The following CYB5R4 variants were observed in gnomAD, a reference collection of about 807,000 sequenced individuals.
CYB5R4 encodes N-terminal cytochrome b5 and cytochrome b5 oxidoreductase domain-containing protein.
A neutral mutation model predicts 70.2 loss-of-function variants in CYB5R4; 55 were observed. The ratio of observed to expected loss-of-function variants is 0.78; its 90% CI spans 0.63 to 0.98. The LOEUF is 0.98. Among genes scored for constraint, CYB5R4 ranks in the 50% least tolerant of loss-of-function variants. The pLI, the probability that CYB5R4 is intolerant of heterozygous loss-of-function variation, is 0.00. For missense variants in CYB5R4, 562 were observed against 612.6 expected (o/e 0.92, Z 0.87); for synonymous variants, 197 against 199.5 (o/e 0.99, Z 0.11).
rs1262917784 is a variant in CYB5R4, at chr6:83,960,437, T to C, written c.*559T>C. 3 of 152,350 alleles carry C rather than the reference T, an allele frequency of 2.0e-5. No homozygotes were observed. Among genetic ancestry groups the C allele is most frequent in the Admixed American group, 6.6e-5 (1 of 15,266 alleles). The allele number at this position is 152,350 out of a possible 1,614,324, so 9.4% of individuals were successfully genotyped here. ...CTTAAGTTCTTTTTAATCCTTGTGG[T>C]AGAAATGTGGTTGAATGCAACAATA... is the stretch of plus-strand genomic sequence containing the variant. On this transcript the variant is annotated 3_prime_UTR_variant, in exon 16 of 16. Coordinates refer to ENST00000369681, the MANE Select transcript of CYB5R4 (RefSeq NM_016230.4).
chr6:83,878,839 A>G (rs1276790801), intron 2 of CYB5R4, among the ~76,000 whole-genome samples: 1 of 152,056 alleles, frequency 6.6e-6, no homozygotes, highest in Non-Finnish European at 1.5e-5. Flanking sequence ...ACAGACTTCA[A>G]ATTCCTCCAG....
intron 14 of CYB5R4, among the ~76,000 whole-genome samples, chr6:83,949,861 T>C (rs986425531): frequency 6.6e-6 from 1 of 152,212 alleles, no homozygotes; most frequent in Non-Finnish European, 1.5e-5. Flanking sequence ...CATTAATACC[T>C]ACACCACAGA....
chr6:83,948,845 A>G (rs1286513869), intron 14 of CYB5R4, among the ~76,000 whole-genome samples: 1 of 150,864 alleles, frequency 6.6e-6, no homozygotes, highest in East Asian at 1.9e-4. Context: ...TTTTTTTTTC[A>G]TGTCTGGATG....
chr6:83,927,496 T>G (rs2099467483), intron 10 of CYB5R4, among the ~76,000 whole-genome samples: 1 of 152,202 alleles, frequency 6.6e-6, no homozygotes, highest in African/African-American at 2.4e-5. Flanking sequence ...CACAGCCTCC[T>G]TCTTGGGTTC....
intron 2 of CYB5R4, among the ~76,000 whole-genome samples, chr6:83,867,975 A>G (rs2099456997): frequency 6.6e-6 from 1 of 152,184 alleles, no homozygotes; most frequent in Non-Finnish European, 1.5e-5. Flanking sequence ...CACTCCCCTC[A>G]GACCTCAGTT....
intron 14 of CYB5R4, among the ~76,000 whole-genome samples, chr6:83,948,989 T>A (rs957558552): frequency 2.0e-5 from 3 of 152,104 alleles, no homozygotes; most frequent in Non-Finnish European, 2.9e-5. Context: ...TCTCCCTTGC[T>A]GGCTTGGGTG....
intron 2 of CYB5R4, among the ~76,000 whole-genome samples, chr6:83,886,401 A>T (rs1403469924): frequency 2.0e-5 from 3 of 152,250 alleles, no homozygotes; most frequent in Admixed American, 6.5e-5. Flanking sequence ...TCATCCACTG[A>T]TAAATAAATA....
intron 2 of CYB5R4, among the ~76,000 whole-genome samples, chr6:83,876,927 A>G (rs2875351): frequency 0.29 from 43,345 of 151,784 alleles, 12,172 homozygotes; most frequent in African/African-American, 0.73. Flanking sequence ...TTCGCCTCCC[A>G]GGCTCAAGGG....
intron 2 of CYB5R4, among the ~76,000 whole-genome samples, chr6:83,873,828 G>A (rs2099458058): frequency 6.6e-6 from 1 of 152,154 alleles, no homozygotes; most frequent in African/African-American, 2.4e-5. Context: ...GAGGTGTGCT[G>A]TGCTGAGTGA....
At chr6:83,947,507 T>C (rs2099470805) in intron 14 of CYB5R4, among the ~76,000 whole-genome samples, 1 of 152,170 alleles carries the variant, frequency 6.6e-6, no homozygotes, top group African/African-American at 2.4e-5. Context: ...ACTTCATGAC[T>C]AAAACTCCAA....
intron 2 of CYB5R4, among the ~76,000 whole-genome samples, chr6:83,868,427 G>A (rs1322512091): frequency 2.0e-5 from 3 of 152,118 alleles, no homozygotes; most frequent in Admixed American, 2.0e-4. Flanking sequence ...TAAAATGATG[G>A]TATAAAAACA....
At chr6:83,943,823 C>A (rs2099470140) in intron 14 of CYB5R4, among the ~76,000 whole-genome samples, 1 of 151,676 alleles carries the variant, frequency 6.6e-6, no homozygotes, top group Non-Finnish European at 1.5e-5. Flanking sequence ...CACAAGTATC[C>A]ATAGCCAAAT....
In CYB5R4 at chr6:83,924,545, G is replaced by T; in HGVS notation, c.767G>T (p.Gly256Val). The T allele has an allele frequency of 6.2e-7, 1 of 1,613,520 alleles. No homozygotes were observed. The highest frequency in any genetic ancestry group is 8.5e-7 in the Non-Finnish European group (1 of 1,179,614). The stretch of plus-strand genomic sequence containing the variant: ...GAGAATACTTCTTGGGACTTTCTTG[G>T]CCATCCCCTGAAGAATCATAATTCA... ...KKENTSWDFL[G>V]HPLKNHNSLI... is the part of the protein sequence containing the mutation. The change falls in exon 10 of 16, where the codon GGC becomes GTC. Residue 256 changes from glycine (G) to valine (V), a missense_variant. Transcript: ENST00000369681.
intron 3 of CYB5R4, among the ~76,000 whole-genome samples, chr6:83,896,610 T>C (rs1358379210): frequency 6.6e-6 from 1 of 152,234 alleles, no homozygotes. Flanking sequence ...TTCTTTTTTA[T>C]GGCCAAATAG....
intron 14 of CYB5R4, among the ~76,000 whole-genome samples, chr6:83,950,498 C>T (rs555179970): frequency 1.1e-4 from 16 of 152,278 alleles, no homozygotes; most frequent in African/African-American, 3.6e-4. Flanking sequence ...TGTGATGTCT[C>T]TGCTTTTGTA....
At chr6:83,887,587 C>G (rs1250057057) in intron 2 of CYB5R4, among the ~76,000 whole-genome samples, 1 of 152,144 alleles carries the variant, frequency 6.6e-6, no homozygotes, top group African/African-American at 2.4e-5. Context: ...CAGTGTACCC[C>G]TAATATTGCT....
At chr6:83,919,782 G>C (rs1011299676) in intron 7 of CYB5R4, among the ~76,000 whole-genome samples, 4 of 149,488 alleles carry the variant, frequency 2.7e-5, no homozygotes, top group Non-Finnish European at 6.0e-5. Flanking sequence ...GTGTGTGTGT[G>C]TGTGTGTGTG....
chr6:83,954,089 C>G (rs770603279), intron 14 of CYB5R4, among the ~76,000 whole-genome samples: 2 of 152,134 alleles, frequency 1.3e-5, no homozygotes, highest in African/African-American at 4.8e-5. Flanking sequence ...GTGTGCCCCC[C>G]ACATGTCTCC....
Position 83,934,637 on chromosome 6 carries a change from T to A in CYB5R4, c.857T>A (p.Val286Asp), listed in dbSNP as rs2099468646. The change falls in exon 11 of 16, where the codon GTT (valine) becomes GAT (aspartate). Residue 286 changes from valine (V) to aspartate (D), a missense_variant. Val to Asp is a radical substitution (Grantham distance 152). Coordinates refer to ENST00000369681, the MANE Select transcript of CYB5R4 (RefSeq NM_016230.4). ...TGCCAGTTAATTTCCAAGGAAGATG[T>A]TACTCATGATACGAGGCTTTTCTGT... ...RKCQLISKED[V>D]THDTRLFCLM... 6.2e-7 allele frequency: 1 copy of A among 1,612,858 alleles called. No individual in the cohort carries two copies.
Sources: allele counts gnomAD v4.1 joint callset (sites outside exome capture counted in the v4.1 genomes callset), GRCh38; gene constraint gnomAD v4.1.1; transcripts MANE v1.5; gene names NCBI Gene and HGNC (gene_info 2026-07-23, HGNC 2026-07-21).